The following PPP2R3A variants were observed in gnomAD, a reference collection of about 807,000 sequenced individuals.
The protein encoded by PPP2R3A is protein phosphatase 2 regulatory subunit B''alpha.
In PPP2R3A, 80 loss-of-function variants were observed where a neutral mutation model predicts 106.9. The observed-to-expected ratio is 0.75, with a 90% CI of 0.62 to 0.90. PPP2R3A has a LOEUF of 0.90. PPP2R3A is among the 40% of genes least tolerant of loss of function. The probability of loss-of-function intolerance (pLI) is 0.00; values close to 1 mark genes in which losing one functional copy is unlikely to be tolerated. For synonymous variants in PPP2R3A, 483 were observed against 468.3 expected, an observed-to-expected ratio of 1.03 and a Z score of -0.41; for missense variants, 1,386 against 1,350.4, an observed-to-expected ratio of 1.03 and a Z score of -0.41.
chr3:136,135,550 C>G (rs1157178227), intron 13 of PPP2R3A, among the ~76,000 whole-genome samples: 1 of 152,022 alleles, frequency 6.6e-6, no homozygotes, highest in African/African-American at 2.4e-5. Context: ...ATGTTAGTAC[C>G]ACAGAAAGAC....
intron 13 of PPP2R3A, among the ~76,000 whole-genome samples, chr3:136,114,246 T>C (rs1186917371): frequency 6.6e-6 from 1 of 152,182 alleles, no homozygotes; most frequent in African/African-American, 2.4e-5. Context: ...ATACTGTGCT[T>C]TTCCCACAGT....
At chr3:136,134,998 A>C (rs987257462) in intron 13 of PPP2R3A, among the ~76,000 whole-genome samples, 6 of 152,206 alleles carry the variant, frequency 3.9e-5, no homozygotes, top group Non-Finnish European at 7.3e-5. Context: ...AGACATGTTC[A>C]TCTGAAAAGA....
intron 13 of PPP2R3A, among the ~76,000 whole-genome samples, chr3:136,111,230 A>G (rs1937586689): frequency 6.6e-6 from 1 of 152,208 alleles, no homozygotes; most frequent in Non-Finnish European, 1.5e-5. Flanking sequence ...AGAGAGAAAA[A>G]GGAATTGGAG....
intron 5 of PPP2R3A, among the ~76,000 whole-genome samples, chr3:136,060,553 C>T (rs1346761626): frequency 2.0e-5 from 3 of 152,136 alleles, no homozygotes; most frequent in African/African-American, 7.2e-5. Context: ...CCCTTGTTCT[C>T]TGTCTCTCCC....
chr3:135,973,806 A>C (rs1937316073), intron 1 of PPP2R3A, among the ~76,000 whole-genome samples: 1 of 152,210 alleles, frequency 6.6e-6, no homozygotes, highest in Non-Finnish European at 1.5e-5. Flanking sequence ...ACTATGTGCC[A>C]GGCACTGTTC....
chr3:135,967,443 CTT>C (rs773480135), intron 1 of PPP2R3A, among the ~76,000 whole-genome samples: 1 of 152,124 alleles, frequency 6.6e-6, no homozygotes, highest in East Asian at 1.9e-4. Context: ...GCCTATCTGA[CTT>C]TATCTTGGGC....
chr3:136,079,624 G>A (rs1420300916), intron 7 of PPP2R3A, among the ~76,000 whole-genome samples: 3 of 151,836 alleles, frequency 2.0e-5, no homozygotes, highest in Admixed American at 6.6e-5. Flanking sequence ...GGCCAGGCTG[G>A]TCTCCAACTC....
At chr3:136,010,669 G>T (rs1290032859) in intron 2 of PPP2R3A, among the ~76,000 whole-genome samples, 1 of 151,816 alleles carries the variant, frequency 6.6e-6, no homozygotes, top group East Asian at 1.9e-4. Context: ...CTTGTGATCC[G>T]CCCACCTCGG....
intron 9 of PPP2R3A, among the ~76,000 whole-genome samples, 177 bp from the exon 10 acceptor site, chr3:136,090,401 C>T (rs1246945403): frequency 6.6e-6 from 1 of 152,194 alleles, no homozygotes; most frequent in African/African-American, 2.4e-5. Context: ...CTTCTGGTTT[C>T]ACCCTCTAGA....
chr3:136,025,320 C>T (rs1934608376), intron 2 of PPP2R3A, among the ~76,000 whole-genome samples: 1 of 152,060 alleles, frequency 6.6e-6, no homozygotes, highest in African/African-American at 2.4e-5. Context: ...TTTCATATTT[C>T]ATTGGTATCA....
intron 2 of PPP2R3A, among the ~76,000 whole-genome samples, chr3:136,004,377 T>A (rs1576427406): frequency 6.6e-6 from 1 of 152,188 alleles, no homozygotes; most frequent in South Asian, 2.1e-4. Flanking sequence ...TTCTTACTGC[T>A]GCCCATTGAC....
intron 8 of PPP2R3A, among the ~76,000 whole-genome samples, chr3:136,086,561 G>A (rs1445180292): frequency 6.6e-6 from 1 of 152,112 alleles, no homozygotes; most frequent in African/African-American, 2.4e-5. Context: ...ATTTTAGGAA[G>A]CTAAACCTTC....
intron 13 of PPP2R3A, among the ~76,000 whole-genome samples, chr3:136,109,285 G>C (rs938218548): frequency 2.0e-5 from 3 of 152,036 alleles, no homozygotes; most frequent in Non-Finnish European, 2.9e-5. Flanking sequence ...AATTAAATCA[G>C]AAAACATGTA....
At chr3:136,063,869 G>A (rs1486403208) in intron 5 of PPP2R3A, among the ~76,000 whole-genome samples, 1 of 149,852 alleles carries the variant, frequency 6.7e-6, no homozygotes, top group Non-Finnish European at 1.5e-5. Flanking sequence ...CGATTCCTCA[G>A]GGATCTAGAA....
chr3:136,104,000 C>A (rs540519293), intron 12 of PPP2R3A, among the ~76,000 whole-genome samples: 2 of 152,268 alleles, frequency 1.3e-5, no homozygotes, highest in South Asian at 4.1e-4. Flanking sequence ...ACCCCTTGTT[C>A]TTACCATTCC....
At chr3:135,998,421 A>C (rs1933491114) in intron 1 of PPP2R3A, among the ~76,000 whole-genome samples, 1 of 152,260 alleles carries the variant, frequency 6.6e-6, no homozygotes, top group Non-Finnish European at 1.5e-5. Context: ...ATTCAGACTT[A>C]CCAGCAATCA....
chr3:136,130,318 T>G (rs1240155798), intron 13 of PPP2R3A, among the ~76,000 whole-genome samples: 1 of 152,148 alleles, frequency 6.6e-6, no homozygotes, highest in East Asian at 1.9e-4. Flanking sequence ...TTCAGCAAAG[T>G]CTCAGGATAC....
chr3:135,974,219 A>T (rs1001669253), intron 1 of PPP2R3A, among the ~76,000 whole-genome samples: 1 of 152,002 alleles, frequency 6.6e-6, no homozygotes. Flanking sequence ...GGAGCATTAC[A>T]TGGCTCATTA....
intron 8 of PPP2R3A, chr3:136,087,554 AT>A (rs1354034803): frequency 5.2e-6 from 1 of 191,196 alleles, no homozygotes; most frequent in Non-Finnish European, 1.1e-5. Flanking sequence ...GAATTTAAGG[AT>A]AAAACTTGTC....
Sources: gnomAD v4.1 joint callset for allele counts (sites outside exome capture counted in the v4.1 genomes callset) on GRCh38, gnomAD v4.1.1 for gene constraint, MANE v1.5 for transcripts, NCBI Gene and HGNC (gene_info 2026-07-23, HGNC 2026-07-21) for gene names.